ADAM28: variants seen among roughly 807,000 people sequenced by gnomAD.
ADAM28 encodes ADAM metallopeptidase domain 28, also known as disintegrin and metalloproteinase domain-containing protein 28.
ADAM28 carries 105 observed loss-of-function variants against 101.2 expected under a neutral mutation model. The observed-to-expected ratio is 1.04, with a 90% CI of 0.89 to 1.22. The LOEUF (loss-of-function observed/expected upper bound fraction) is 1.22, where lower values mean the gene tolerates loss of function less well. ADAM28 is among the 50% of genes most tolerant of loss of function. ADAM28 has a pLI of 0.00. For synonymous variants in ADAM28, 322 were observed against 310.6 expected, an observed-to-expected ratio of 1.04 and a Z score of -0.39; for missense variants, 1,028 against 945.4, an observed-to-expected ratio of 1.09 and a Z score of -1.15.
At chr8:24,307,558 A>C (rs1007347369) in intron 2 of ADAM28, among the ~76,000 whole-genome samples, 1 of 152,236 alleles carries the variant, frequency 6.6e-6, no homozygotes, top group Non-Finnish European at 1.5e-5. Flanking sequence ...GAATGACATA[A>C]GGACTAAATA....
chr8:24,347,102 C>T (rs1055361270), intron 18 of ADAM28: 1 of 151,992 alleles, frequency 6.6e-6, no homozygotes, highest in Admixed American at 6.6e-5. Flanking sequence ...ATCATCCATT[C>T]TAGTGATTGG....
rs1316764397 is a variant in ADAM28 at position 24,354,648 on chromosome 8, G to C, written c.*244G>C. On this transcript the variant is annotated 3_prime_UTR_variant, in exon 23 of 23. Transcript: ENST00000265769. ...CATTCTTATAAGAAGGAAGATGATT[G>C]TAAAGAAATATCTCCGAAGTTAAAA... is the stretch of plus-strand genomic sequence containing the variant. 2.7e-6 allele frequency: 1 copy of C among 367,176 alleles called. No individual in the cohort carries two copies. The highest frequency in any genetic ancestry group is 4.9e-5 in the East Asian group (1 of 20,248). 22.7% of individuals were successfully genotyped at this position (367,176 alleles called of 1,614,324 possible).
chr8:24,310,791 C>A (rs932472169), intron 4 of ADAM28, among the ~76,000 whole-genome samples: 1 of 152,124 alleles, frequency 6.6e-6, no homozygotes, highest in Non-Finnish European at 1.5e-5. Context: ...TCAGAGTTTA[C>A]ATGGGTCAAC....
intron 1 of ADAM28, among the ~76,000 whole-genome samples, chr8:24,296,911 GA>G (rs1381390806): frequency 1.3e-5 from 2 of 152,186 alleles, no homozygotes; most frequent in Non-Finnish European, 2.9e-5. Context: ...TAAACTTAAG[GA>G]TGGATGAGCT....
At chr8:24,346,819 G>C (rs536851088) in intron 18 of ADAM28, 1 of 152,036 alleles carries the variant, frequency 6.6e-6, no homozygotes, top group East Asian at 1.9e-4. Context: ...TCTTTCTTTT[G>C]TCATAATCAT....
At chr8:24,321,112 TTTAA>T (rs1811815763) in intron 7 of ADAM28, 102 bp from the exon 8 acceptor site, 3 of 651,852 alleles carry the variant, frequency 4.6e-6, no homozygotes, top group Non-Finnish European at 7.9e-6. Context: ...ATAACTAATC[TTTAA>T]TTAAAATCAA....
At chr8:24,343,434 A>C (rs1157106909) in intron 17 of ADAM28, 72 bp from the exon 18 acceptor site, 3 of 1,467,892 alleles carry the variant, frequency 2.0e-6, no homozygotes. Flanking sequence ...CATGAACTTT[A>C]TTATGGATGA....
chr8:24,316,582 A>T (rs1289272972), intron 6 of ADAM28, among the ~76,000 whole-genome samples: 3 of 152,002 alleles, frequency 2.0e-5, no homozygotes, highest in African/African-American at 7.2e-5. Context: ...CTTTCTCCTT[A>T]TTTATTTTTT....
At chr8:24,321,520 A>C in intron 8 of ADAM28, 1 of 510,878 alleles carries the variant, frequency 2.0e-6, no homozygotes, top group South Asian at 2.0e-5. Flanking sequence ...CAGGTATAAG[A>C]AGACATAAAA....
chr8:24,301,383 G>A (rs1371828681), intron 2 of ADAM28, among the ~76,000 whole-genome samples: 1 of 151,932 alleles, frequency 6.6e-6, no homozygotes, highest in Admixed American at 6.6e-5. Context: ...CTTATTATCT[G>A]GGTGACAAAG....
chr8:24,295,689 G>A (rs956258589), intron 1 of ADAM28: 4 of 152,284 alleles, frequency 2.6e-5, no homozygotes, highest in Admixed American at 2.0e-4. Flanking sequence ...CCCCGACGGT[G>A]CATGTATAAC....
rs1226505820 is a variant in ADAM28, at chr8:24,354,901, T to G, written c.*497T>G. 6 of 152,750 alleles carry G rather than the reference T, an allele frequency of 3.9e-5. No homozygotes were observed. The highest frequency in any genetic ancestry group is 1.2e-4 in the African/African-American group (5 of 41,456). 9.5% of individuals were successfully genotyped at this position (152,750 alleles called of 1,614,324 possible). A position where few individuals can be genotyped will look rare whatever the true frequency, so the allele number is the denominator to read the frequency against. ...ATTAGCTTCTGAAATCATTATTAGC[T>G]ATATCATTTGAGGTTTTCTACAATT... On this transcript the variant is annotated 3_prime_UTR_variant, in exon 23 of 23. Transcript: ENST00000265769.
intron 6 of ADAM28, among the ~76,000 whole-genome samples, chr8:24,317,144 T>G (rs974091805): frequency 1.3e-4 from 19 of 151,984 alleles, no homozygotes; most frequent in Admixed American, 2.6e-4. Context: ...GTAGATTCAA[T>G]GCAGTCCTTA....
At chr8:24,333,355 T>C (rs745991275) in intron 13 of ADAM28, among the ~76,000 whole-genome samples, 1 of 152,172 alleles carries the variant, frequency 6.6e-6, no homozygotes, top group African/African-American at 2.4e-5. Flanking sequence ...CCAACACCTA[T>C]GTAAGAGACC....
intron 4 of ADAM28, among the ~76,000 whole-genome samples, chr8:24,310,848 C>T (rs536681307): frequency 3.4e-4 from 51 of 151,954 alleles, no homozygotes; most frequent in Non-Finnish European, 6.3e-4. Flanking sequence ...AACACCCACA[C>T]GAAAAAATGT....
chr8:24,324,065 T>G (rs1443603897), intron 9 of ADAM28, 62 bp downstream of exon 9: 2 of 1,537,004 alleles, frequency 1.3e-6, no homozygotes, highest in Admixed American at 1.7e-5. Flanking sequence ...TTTCTGAGCC[T>G]TGGCAAAGTG....
intron 1 of ADAM28, among the ~76,000 whole-genome samples, chr8:24,298,763 G>T (rs1808309630): frequency 6.6e-6 from 1 of 152,190 alleles, no homozygotes; most frequent in African/African-American, 2.4e-5. Flanking sequence ...TTTTGGTTAA[G>T]CCTGTAGCCA....
Position 24,354,507 on chromosome 8 carries a change from C to G in ADAM28, c.*103C>G, listed in dbSNP as rs539074309. The G allele has an allele frequency of 7.4e-7, 1 of 1,354,526 alleles. No homozygotes were observed. The highest frequency in any genetic ancestry group is 1.0e-6 in the Non-Finnish European group (1 of 998,866). 83.9% of individuals were successfully genotyped at this position (1,354,526 alleles called of 1,614,324 possible). A position where few individuals can be genotyped will look rare whatever the true frequency, so the allele number is the denominator to read the frequency against. On this transcript the variant is annotated 3_prime_UTR_variant, in exon 23 of 23. Coordinates refer to ENST00000265769, the MANE Select transcript of ADAM28 (RefSeq NM_014265.6). ...TATCTATCTCACCAGTATTTGCTCT[C>G]GACTCAAGAAGGTTAACATTTTCTG...
chr8:24,314,758 A>G (rs1317349008), intron 6 of ADAM28, among the ~76,000 whole-genome samples: 1 of 151,836 alleles, frequency 6.6e-6, no homozygotes, highest in African/African-American at 2.4e-5. Context: ...ATAATTTGTT[A>G]AGAAATATAT....
Sources: allele counts gnomAD v4.1 joint callset (sites outside exome capture counted in the v4.1 genomes callset), GRCh38; gene constraint gnomAD v4.1.1; transcripts MANE v1.5; gene names NCBI Gene and HGNC (gene_info 2026-07-23, HGNC 2026-07-21).